The following CALN1 variants were observed in gnomAD, a reference collection of about 807,000 sequenced individuals.
CALN1 encodes calcium-binding protein 8.
A neutral mutation model predicts 30.6 loss-of-function variants in CALN1; 17 were observed. The observed-to-expected ratio is 0.56, with a 90% CI of 0.38 to 0.83. The LOEUF (loss-of-function observed/expected upper bound fraction) is 0.83, where lower values mean the gene tolerates loss of function less well. Ranked by LOEUF, CALN1 falls within the 40% of genes least tolerant of loss-of-function variation. The pLI is 0.00. For synonymous variants in CALN1, 156 were observed against 131.4 expected (o/e 1.19, Z -1.28); for missense variants, 291 against 354.9 (o/e 0.82, Z 1.45).
At chr7:72,062,079 C>A (rs1211410254) in intron 4 of CALN1, among the ~76,000 whole-genome samples, 1 of 152,084 alleles carries the variant, frequency 6.6e-6, no homozygotes, top group Non-Finnish European at 1.5e-5. Context: ...AACTGTCAAC[C>A]CAGAATTCTA....
At chr7:71,835,827 G>A (rs931627939) in intron 5 of CALN1, among the ~76,000 whole-genome samples, 1 of 152,172 alleles carries the variant, frequency 6.6e-6, no homozygotes, top group Non-Finnish European at 1.5e-5. Context: ...GGTAGACCAA[G>A]GACCTTTCCT....
intron 5 of CALN1, among the ~76,000 whole-genome samples, chr7:71,848,650 T>C (rs1399992225): frequency 6.6e-6 from 1 of 151,968 alleles, no homozygotes; most frequent in Non-Finnish European, 1.5e-5. Context: ...ATATTACCTA[T>C]GAAACAAGAG....
intron 3 of CALN1, among the ~76,000 whole-genome samples, chr7:72,217,253 C>T (rs1476423162): frequency 3.3e-5 from 5 of 152,070 alleles, no homozygotes; most frequent in African/African-American, 9.7e-5. Context: ...ACCAAGCACA[C>T]CCCAGCCACT....
intron 4 of CALN1, among the ~76,000 whole-genome samples, chr7:72,084,476 G>C (rs1043745577): frequency 6.7e-6 from 1 of 149,468 alleles, no homozygotes; most frequent in Non-Finnish European, 1.5e-5. Context: ...CTCCTGCCTC[G>C]GCCTCCCAAG....
intron 5 of CALN1, among the ~76,000 whole-genome samples, chr7:71,893,460 G>A (rs936968902): frequency 2.6e-5 from 4 of 152,176 alleles, no homozygotes; most frequent in African/African-American, 7.2e-5. Context: ...GCCGAGGCAA[G>A]GTGAGCGGAT....
intron 3 of CALN1, among the ~76,000 whole-genome samples, chr7:72,135,849 T>C (rs1043943836): frequency 4.6e-5 from 7 of 152,110 alleles, no homozygotes; most frequent in African/African-American, 1.7e-4. Flanking sequence ...AAGGTTGTTT[T>C]AGGCTGGGTG....
At chr7:72,241,141 T>G (rs1247424846) in intron 3 of CALN1, among the ~76,000 whole-genome samples, 1 of 152,220 alleles carries the variant, frequency 6.6e-6, no homozygotes, top group Non-Finnish European at 1.5e-5. Flanking sequence ...TGAATTTGAA[T>G]AGTTTTAGTT....
At chr7:72,452,868 C>T in the CALN1 span, among the ~76,000 whole-genome samples, 1 of 152,112 alleles carries the variant, frequency 6.6e-6, no homozygotes, top group African/African-American at 2.4e-5. Context: ...CCAGGATACC[C>T]ACAGAGACTC....
intron 1 of CALN1, among the ~76,000 whole-genome samples, chr7:72,434,363 C>CAAAAAAAAAAAAAAAA (rs967442404): frequency 7.4e-6 from 1 of 135,330 alleles, no homozygotes; most frequent in Non-Finnish European, 1.6e-5. Flanking sequence ...AAAAAAAAAA[C>CAAAAAAAAAAAAAAAA]AAAAAAAAAA....
intron 3 of CALN1, among the ~76,000 whole-genome samples, chr7:72,224,936 C>A (rs1427367053): frequency 2.6e-5 from 4 of 151,072 alleles, no homozygotes; most frequent in African/African-American, 7.3e-5. Context: ...AATACACACA[C>A]ACAAAAAAAA....
intron 3 of CALN1, among the ~76,000 whole-genome samples, chr7:72,194,090 C>CA (rs1346948384): frequency 5.9e-5 from 9 of 152,188 alleles, no homozygotes; most frequent in East Asian, 1.9e-4. Context: ...ACCTGTTCCC[C>CA]AAAAAATCTA....
At chr7:72,216,974 G>A (rs748236554) in intron 3 of CALN1, among the ~76,000 whole-genome samples, 12 of 152,014 alleles carry the variant, frequency 7.9e-5, no homozygotes, top group Non-Finnish European at 1.6e-4. Flanking sequence ...AAACTCCTGG[G>A]CTCAAGTGAT....
At chr7:72,368,595 TGA>T (rs1364387196) in intron 2 of CALN1, among the ~76,000 whole-genome samples, 2 of 151,666 alleles carry the variant, frequency 1.3e-5, no homozygotes. Flanking sequence ...AAAAGGAGAA[TGA>T]ATAAAGTAAC....
chr7:71,865,978 T>A (rs183656793), intron 5 of CALN1, among the ~76,000 whole-genome samples: 78 of 152,136 alleles, frequency 5.1e-4, no homozygotes, highest in African/African-American at 1.8e-3. Context: ...TTCTGAGAAA[T>A]GCAAAAATTG....
At chr7:72,020,107 T>C (rs1283514206) in intron 5 of CALN1, among the ~76,000 whole-genome samples, 1 of 152,158 alleles carries the variant, frequency 6.6e-6, no homozygotes, top group Non-Finnish European at 1.5e-5. Context: ...TCAGCCAGGA[T>C]GGAGTGCAGT....
In CALN1 at chr7:71,795,814, C is replaced by CTTTTTTTTT. The variant is rs55667543; in HGVS notation, c.659-7921_659-7913dup. 2.5e-3 allele frequency among the ~76,000 whole-genome samples: 242 copies of CTTTTTTTTT among 98,534 alleles called. 9 individuals carry two copies. The highest frequency in any genetic ancestry group is 5.8e-3 in the East Asian group (15 of 2,570). 64.6% of individuals were successfully genotyped at this position (98,534 alleles called of 152,430 possible). ...ATGTAGCATTTACCAGTACTTCATT[C>CTTTTTTTTT]TTTTTTTTTTTTTTTTTTTTTTGAG... is the stretch of plus-strand genomic sequence containing the variant. On this transcript the variant is annotated intron_variant, in intron 6 of 6. Transcript: ENST00000395275.
At chr7:72,221,007 G>C (rs1793247200) in intron 3 of CALN1, among the ~76,000 whole-genome samples, 1 of 152,166 alleles carries the variant, frequency 6.6e-6, no homozygotes, top group Non-Finnish European at 1.5e-5. Flanking sequence ...TGTTCACTCT[G>C]ATGGTAGTTT....
intron 5 of CALN1, among the ~76,000 whole-genome samples, chr7:71,889,225 C>T (rs2116870939): frequency 6.6e-6 from 1 of 152,334 alleles, no homozygotes; most frequent in Admixed American, 6.5e-5. Flanking sequence ...AAGGCATCAG[C>T]AGATTTGGTG....
intron 2 of CALN1, chr7:72,337,076 C>T: frequency 5.1e-6 from 5 of 985,668 alleles, no homozygotes; most frequent in Non-Finnish European, 6.0e-6. Flanking sequence ...GCTGGCCGCG[C>T]GGGTTCAGCC....
Sources: allele counts gnomAD v4.1 joint callset (sites outside exome capture counted in the v4.1 genomes callset), GRCh38; gene constraint gnomAD v4.1.1; transcripts MANE v1.5; gene names NCBI Gene and HGNC (gene_info 2026-07-23, HGNC 2026-07-21).